ABLIM2: variants seen among roughly 807,000 people sequenced by gnomAD.
The protein encoded by ABLIM2 is actin binding LIM protein family member 2, also known as actin-binding LIM protein 2.
In ABLIM2, 53 loss-of-function variants were observed where a neutral mutation model predicts 97.7. The ratio of observed to expected loss-of-function variants is 0.54; its 90% CI spans 0.44 to 0.68. The LOEUF (loss-of-function observed/expected upper bound fraction) is 0.68. Among genes scored for constraint, ABLIM2 ranks in the 30% least tolerant of loss-of-function variants. The pLI, the probability that ABLIM2 is intolerant of heterozygous loss-of-function variation, is 0.00. For synonymous variants in ABLIM2, 361 were observed against 345.8 expected (o/e 1.04, Z -0.49); for missense variants, 835 against 867.2 (o/e 0.96, Z 0.47).
intron 3 of ABLIM2, 104 bp from the exon 4 acceptor site, chr4:8,088,388 T>C: frequency 1.2e-6 from 1 of 855,100 alleles, no homozygotes; most frequent in South Asian, 1.6e-5. Flanking sequence ...CCCCAGGATC[T>C]TGCAAAGGTA....
intron 17 of ABLIM2, chr4:7,989,324 C>A (rs1746895266): frequency 1.2e-6 from 1 of 814,916 alleles, no homozygotes; most frequent in African/African-American, 1.9e-5. Flanking sequence ...AGTGATCCAC[C>A]CACCTCGGCC....
At chr4:8,077,763 G>A (rs1195148146) in intron 5 of ABLIM2, 42 bp from the exon 6 acceptor site, 9 of 1,530,488 alleles carry the variant, frequency 5.9e-6, no homozygotes, top group Middle Eastern at 1.7e-4. Context: ...GGTGTCGCCC[G>A]AGGACCCTTG....
At chr4:8,009,596 A>G (rs981232562) in intron 14 of ABLIM2, among the ~76,000 whole-genome samples, 2 of 152,090 alleles carry the variant, frequency 1.3e-5, no homozygotes, top group Non-Finnish European at 2.9e-5. Context: ...GGGTTTTGCC[A>G]TGTTGGCCAG....
At chr4:8,137,921 C>G (rs774259992) in intron 1 of ABLIM2, among the ~76,000 whole-genome samples, 4 of 152,356 alleles carry the variant, frequency 2.6e-5, no homozygotes, top group Non-Finnish European at 5.9e-5. Flanking sequence ...CGCCCAGGTG[C>G]CCTCCGGCAA....
Position 8,148,754 on chromosome 4 carries a change from A to ACAAGCC in ABLIM2, c.10+9920_10+9925dup, listed in dbSNP as rs1221523962. On this transcript the variant is annotated intron_variant, in intron 1 of 20. Transcript: ENST00000447017. The surrounding 1 kb of genome is among the most constrained non-coding windows in gnomAD (Gnocchi z 6.7). The stretch of plus-strand genomic sequence containing the variant: ...CTCAGAGTCGGAAAGATCCTCTAGG[A>ACAAGCC]CAAGCCCAACCCCAACAGAGATGAG... Among the ~76,000 whole-genome samples the ACAAGCC allele has an allele frequency of 1.3e-5, 2 of 152,190 alleles. No individual in the cohort carries two copies. The highest frequency in any genetic ancestry group is 2.9e-5 in the Non-Finnish European group (2 of 68,018).
chr4:8,104,157 C>T (rs889646158), intron 2 of ABLIM2, among the ~76,000 whole-genome samples: 1 of 152,162 alleles, frequency 6.6e-6, no homozygotes, highest in Non-Finnish European at 1.5e-5. Context: ...CGGGGGATCC[C>T]GAGGCTCAGG....
intron 9 of ABLIM2, among the ~76,000 whole-genome samples, chr4:8,037,052 A>C (rs1784908092): frequency 1.3e-5 from 2 of 152,234 alleles, no homozygotes; most frequent in Non-Finnish European, 2.9e-5. Flanking sequence ...TGTAATGCCT[A>C]ACACAATGCA....
Position 7,986,496 on chromosome 4 carries a change from G to A in ABLIM2, c.1681-1603C>T, listed in dbSNP as rs977890894. Among the ~76,000 whole-genome samples, 3 of 152,168 alleles carry A rather than the reference G, an allele frequency of 2.0e-5. No individual in the cohort carries two copies. Among genetic ancestry groups the A allele is most frequent in the Non-Finnish European group, 2.9e-5 (2 of 68,024 alleles). ...ACATTTTTGCTATTTTGTTTATCGTGAAATTTTTTACATTAATTTGGATTT... is the reference window on the plus strand; with the variant it reads ...ACATTTTTGCTATTTTGTTTATCGTAAAATTTTTTACATTAATTTGGATTT... On this transcript the variant is annotated intron_variant, in intron 17 of 20. Coordinates refer to ENST00000447017, the MANE Select transcript of ABLIM2 (RefSeq NM_001130083.2). The surrounding 1 kb of genome is among the most constrained non-coding windows in gnomAD (Gnocchi z 4.3).
intron 18 of ABLIM2, among the ~76,000 whole-genome samples, chr4:7,983,875 C>T (rs1043933609): frequency 1.3e-5 from 2 of 152,248 alleles, no homozygotes; most frequent in Non-Finnish European, 2.9e-5. Flanking sequence ...AGATGCCAGC[C>T]TCAGTTTACC....
At chr4:8,007,590 T>G in intron 16 of ABLIM2, 1 of 988,520 alleles carries the variant, frequency 1.0e-6, no homozygotes, top group Non-Finnish European at 1.2e-6. Context: ...GCAGACACCA[T>G]CACTGTCTCT....
At chr4:8,091,336 A>ATAT (rs553217991) in intron 3 of ABLIM2, among the ~76,000 whole-genome samples, 1,161 of 27,968 alleles carry the variant, frequency 0.042, 166 homozygotes, top group African/African-American at 0.18. Flanking sequence ...TATATTATAT[A>ATAT]TATAATATAT....
At position 8,071,235 on chromosome 4, in the gene ABLIM2, C is replaced by A. The variant is rs897262515; in HGVS notation, c.675+6393G>T. 6.6e-6 allele frequency among the ~76,000 whole-genome samples: 1 copy of A among 152,178 alleles called. No homozygotes were observed. The highest frequency in any genetic ancestry group is 1.5e-5 in the Non-Finnish European group (1 of 68,030). ...CAGGCGCCACCCACCTCTGCTGCCC[C>A]AGCCCAGTGCCTCCCCCATCCCTAG... On this transcript the variant is annotated intron_variant, in intron 6 of 20. Transcript: ENST00000447017. This position sits in a 1 kb window ranked among gnomAD's most constrained non-coding sequence, Gnocchi z 6.2.
intron 1 of ABLIM2, 130 bp downstream of exon 1, chr4:8,158,550 G>A (rs1177519556): frequency 1.5e-5 from 18 of 1,212,800 alleles, no homozygotes; most frequent in Non-Finnish European, 1.9e-5. Flanking sequence ...AAATCCTGGA[G>A]CAAAAGTTGG....
At chr4:8,103,845 T>A (rs78432613) in intron 2 of ABLIM2, among the ~76,000 whole-genome samples, 246 of 152,356 alleles carry the variant, frequency 1.6e-3, no homozygotes, top group African/African-American at 5.7e-3. Context: ...TTTTGCTGCA[T>A]GCCCAAGGTC....
At position 8,044,018 on chromosome 4, in the gene ABLIM2, G is replaced by A. The variant is rs745660887; in HGVS notation, c.900+1146C>T. 4.6e-5 allele frequency among the ~76,000 whole-genome samples: 7 copies of A among 152,208 alleles called. No homozygotes were observed. The East Asian group carries it at 1.2e-3, about 25-fold the overall frequency. On this transcript the variant is annotated intron_variant, in intron 9 of 20. Coordinates refer to ENST00000447017, the MANE Select transcript of ABLIM2 (RefSeq NM_001130083.2). This position sits in a 1 kb window ranked among gnomAD's most constrained non-coding sequence, Gnocchi z 4.4. Reference sequence around the variant, plus strand: ...CACTCACTCTCCAGGCCAGCAGTGCGTCATGGTAACTGAGGACTCGTGCAC... The same window carrying A: ...CACTCACTCTCCAGGCCAGCAGTGCATCATGGTAACTGAGGACTCGTGCAC...
intron 3 of ABLIM2, among the ~76,000 whole-genome samples, chr4:8,089,649 C>T (rs1249539493): frequency 2.7e-5 from 4 of 145,498 alleles, no homozygotes; most frequent in Non-Finnish European, 4.5e-5. Flanking sequence ...GCAGGACAAT[C>T]GCTTGAACTG....
intron 8 of ABLIM2, among the ~76,000 whole-genome samples, chr4:8,048,899 G>A (rs560570594): frequency 1.3e-5 from 2 of 151,852 alleles, no homozygotes; most frequent in African/African-American, 2.4e-5. Flanking sequence ...CACCGTTCTC[G>A]GGGCTTACCT....
intron 1 of ABLIM2, among the ~76,000 whole-genome samples, chr4:8,142,551 G>A (rs1851149385): frequency 6.6e-6 from 1 of 152,214 alleles, no homozygotes; most frequent in Non-Finnish European, 1.5e-5. Context: ...CCAGCCCTCT[G>A]CTGCTCTTGA....
chr4:8,092,596 C>T (rs764433345), intron 3 of ABLIM2, among the ~76,000 whole-genome samples: 1 of 152,146 alleles, frequency 6.6e-6, no homozygotes, highest in Non-Finnish European at 1.5e-5. Context: ...TGAGATGTAA[C>T]TATAAAGACT....
Sources: allele counts gnomAD v4.1 joint callset (sites outside exome capture counted in the v4.1 genomes callset), GRCh38; gene constraint gnomAD v4.1.1; non-coding constraint Gnocchi (gnomAD v3.1); transcripts MANE v1.5; gene names NCBI Gene and HGNC (gene_info 2026-07-23, HGNC 2026-07-21).